COQ9: variants seen among roughly 807,000 people sequenced by gnomAD.
COQ9 encodes the protein coenzyme Q9.
COQ9 carries 35 observed loss-of-function variants against 42.4 expected under a neutral mutation model. The ratio of observed to expected loss-of-function variants is 0.83; its 90% CI spans 0.63 to 1.10. COQ9 has a LOEUF of 1.10. COQ9 is among the 50% of genes least tolerant of loss of function. The pLI, the probability that COQ9 is intolerant of heterozygous loss-of-function variation, is 0.00. For synonymous variants in COQ9, 155 were observed against 155.1 expected, an observed-to-expected ratio of 1.00 and a Z score of 0.00; for missense variants, 406 against 414.6, an observed-to-expected ratio of 0.98 and a Z score of 0.18.
At chr16:57,458,019 T>G in intron 5 of COQ9, 6 of 552,698 alleles carry the variant, frequency 1.1e-5, no homozygotes, top group East Asian at 1.0e-4. Context: ...ATGCTAGGGA[T>G]GGAGAATGTG....
intron 8 of COQ9, 42 bp from the exon 9 acceptor site, chr16:57,460,547 G>A: frequency 6.2e-7 from 1 of 1,602,512 alleles, no homozygotes; most frequent in Non-Finnish European, 8.6e-7. Flanking sequence ...CTAGAGGCAA[G>A]GTAAGCCCTC....
intron 1 of COQ9, 108 bp from the exon 2 acceptor site, chr16:57,450,932 C>T: frequency 8.2e-7 from 1 of 1,213,784 alleles, no homozygotes; most frequent in Non-Finnish European, 1.2e-6. Context: ...ATAAGTGGTT[C>T]TACAGGAGTC....
rs1200546999 is a variant in COQ9, at chr16:57,460,870, A to G, written c.*246A>G. 11 of 519,038 alleles carry G rather than the reference A, an allele frequency of 2.1e-5. No homozygotes were observed. The highest frequency in any genetic ancestry group is 1.0e-4 in the East Asian group (3 of 28,924). The allele number at this position is 519,038 out of a possible 1,614,324, so 32.2% of individuals were successfully genotyped here. ...CCTCCTGATGCCTTTCTGCACTGCA[A>G]CTGTGTGATTGAAAAATGAGATGTT... On this transcript the variant is annotated 3_prime_UTR_variant, in exon 9 of 9. Coordinates refer to ENST00000262507, the MANE Select transcript of COQ9 (RefSeq NM_020312.4).
chr16:57,447,860 G>A (rs2030166882), intron 1 of COQ9: 1 of 340,506 alleles, frequency 2.9e-6, no homozygotes, highest in Non-Finnish European at 5.3e-6. Flanking sequence ...CGCAGCCTGA[G>A]CCTGTTGGTT....
At chr16:57,451,635 C>T (rs958198288) in intron 2 of COQ9, among the ~76,000 whole-genome samples, 2 of 152,230 alleles carry the variant, frequency 1.3e-5, no homozygotes, top group Admixed American at 6.5e-5. Flanking sequence ...TTAGATGTTT[C>T]TCTAAGCTTA....
chr16:57,457,538 A>G (rs1201917653), intron 5 of COQ9: 4 of 250,838 alleles, frequency 1.6e-5, no homozygotes, highest in Non-Finnish European at 2.4e-5. Flanking sequence ...GAGTGAAGAA[A>G]GTACAGAGTG....
Position 57,460,836 on chromosome 16 carries a change from C to T in COQ9, c.*212C>T, listed in dbSNP as rs1352162070. On this transcript the variant is annotated 3_prime_UTR_variant, in exon 9 of 9. Transcript: ENST00000262507. The stretch of plus-strand genomic sequence containing the variant: ...GGGCTGCTTCTTCAGTTCCTAATAC[C>T]AGACCAAGCCTCCTGATGCCTTTCT... 2 of 577,534 alleles carry T rather than the reference C, an allele frequency of 3.5e-6. No homozygotes were observed. Among genetic ancestry groups the T allele is most frequent in the Admixed American group, 5.9e-5 (2 of 33,850 alleles). The allele number at this position is 577,534 out of a possible 1,614,324, so 35.8% of individuals were successfully genotyped here.
chr16:57,456,438 G>T, intron 3 of COQ9, 66 bp from the exon 4 acceptor site: 1 of 1,574,758 alleles, frequency 6.4e-7, no homozygotes, highest in South Asian at 1.1e-5. Context: ...CTCTAGTGAT[G>T]AACAGGCAAC....
Position 57,454,815 on chromosome 16 carries a change from G to A in COQ9, c.379-1689G>A, listed in dbSNP as rs148853207. Among the ~76,000 whole-genome samples, 12 of 152,272 alleles carry A rather than the reference G, an allele frequency of 7.9e-5. No homozygotes were observed. In the East Asian group the frequency reaches 1.9e-3, roughly 24 times the overall value. ...GTGGAAAGAAAAAGAAGGATGGTAC[G>A]TTAGAAGAACCACAGAGAACCACCA... is the stretch of plus-strand genomic sequence containing the variant. On this transcript the variant is annotated intron_variant, in intron 3 of 8. Coordinates refer to ENST00000262507, the MANE Select transcript of COQ9 (RefSeq NM_020312.4).
chr16:57,447,857 T>A, intron 1 of COQ9: 1 of 340,848 alleles, frequency 2.9e-6, no homozygotes, highest in East Asian at 4.3e-5. Context: ...TCACGCAGCC[T>A]GAGCCTGTTG....
Position 57,456,923 on chromosome 16 carries a change from T to C in COQ9, c.522-8T>C. ...CAGAGACACACTGTTTTCTTTTCCC[T>C]CTTCCAGGAAGAGGAAGACAGACCA... On this transcript the variant is annotated splice_region_variant and splice_polypyrimidine_tract_variant and intron_variant, in intron 4 of 8. Transcript: ENST00000262507. The C allele has an allele frequency of 6.2e-7, 1 of 1,611,944 alleles. No homozygotes were observed. Among genetic ancestry groups the C allele is most frequent in the Non-Finnish European group, 8.5e-7 (1 of 1,178,032 alleles).
Position 57,459,664 on chromosome 16 carries a change from C to T in COQ9, c.811C>T (p.Arg271Cys), listed in dbSNP as rs768396999. 9 of 1,614,174 alleles carry T rather than the reference C, an allele frequency of 5.6e-6. No homozygotes were observed. The highest frequency in any genetic ancestry group is 1.6e-4 in the Middle Eastern group (1 of 6,062). The stretch of plus-strand genomic sequence containing the variant: ...CTCTCCAGACTTTGAGGACACTTGG[C>T]GCTTCCTGGAAAACCGGGTTAATGA... ...DSSPDFEDTW[R>C]FLENRVNDAM... is the part of the protein sequence containing the mutation. The change falls in exon 7 of 9, where the codon CGC becomes TGC. Residue 271 changes from arginine to cysteine, a missense_variant. Transcript: ENST00000262507.
In COQ9 at chr16:57,450,777, G is replaced by A. The variant is rs957947675; in HGVS notation, c.74-263G>A. 6.5e-5 allele frequency: 35 copies of A among 538,074 alleles called. No homozygotes were observed. The East Asian group carries it at 8.9e-4, about 14-fold the overall frequency. The allele number at this position is 538,074 out of a possible 1,614,324, so 33.3% of individuals were successfully genotyped here. A position where few individuals can be genotyped will look rare whatever the true frequency, so the allele number is the denominator to read the frequency against. On this transcript the variant is annotated intron_variant, in intron 1 of 8. Coordinates refer to ENST00000262507, the MANE Select transcript of COQ9 (RefSeq NM_020312.4). ...AAAATCTGCACATTGGGGTGAAATTGTTTGCCAGTTACCCAGGTAACAAGT... is the reference window on the plus strand; with the variant it reads ...AAAATCTGCACATTGGGGTGAAATTATTTGCCAGTTACCCAGGTAACAAGT...
intron 8 of COQ9, among the ~76,000 whole-genome samples, chr16:57,460,358 C>T (rs2030507360): frequency 6.6e-6 from 1 of 152,114 alleles, no homozygotes; most frequent in African/African-American, 2.4e-5. Flanking sequence ...CACCTGCCAC[C>T]TTGCAAACCT....
At chr16:57,460,450 GTC>G (rs1331474482) in intron 8 of COQ9, 137 bp from the exon 9 acceptor site, 1 of 843,056 alleles carries the variant, frequency 1.2e-6, no homozygotes, top group African/African-American at 1.7e-5. Context: ...TTTGAGGACA[GTC>G]TGGCCAACAT....
Position 57,450,946 on chromosome 16 carries a change from G to C in COQ9, c.74-94G>C, listed in dbSNP as rs952184945. 3.8e-5 allele frequency: 52 copies of C among 1,376,908 alleles called. No individual in the cohort carries two copies. The African/African-American group carries it at 6.9e-4, about 18-fold the overall frequency. 85.3% of individuals were successfully genotyped at this position (1,376,908 alleles called of 1,614,324 possible). ...GATAAGTGGTTCTACAGGAGTCTCT[G>C]GCCTGCTTTTCCTCCTCCTTATCTG... On this transcript the variant is annotated intron_variant, in intron 1 of 8. Coordinates refer to ENST00000262507, the MANE Select transcript of COQ9 (RefSeq NM_020312.4).
intron 5 of COQ9, among the ~76,000 whole-genome samples, chr16:57,457,918 C>T (rs1194326297): frequency 6.6e-6 from 1 of 151,918 alleles, no homozygotes; most frequent in Non-Finnish European, 1.5e-5. Context: ...CCTATCTCTG[C>T]TTCTTCCTTT....
chr16:57,450,600 G>A (rs1249740398), intron 1 of COQ9, among the ~76,000 whole-genome samples: 1 of 152,112 alleles, frequency 6.6e-6, no homozygotes, highest in Non-Finnish European at 1.5e-5. Context: ...AACACTGGGG[G>A]AGTAGGGCTG....
At chr16:57,458,064 C>A in intron 5 of COQ9, 182 bp from the exon 6 acceptor site, 2 of 640,920 alleles carry the variant, frequency 3.1e-6, no homozygotes, top group Admixed American at 2.1e-5. Flanking sequence ...ATGCCCCTGG[C>A]TCTCCTCAGC....
Sources: allele counts gnomAD v4.1 joint callset (sites outside exome capture counted in the v4.1 genomes callset), GRCh38; gene constraint gnomAD v4.1.1; transcripts MANE v1.5; gene names NCBI Gene and HGNC (gene_info 2026-07-23, HGNC 2026-07-21).